Variants in NFIB observed in about 807,000 individuals in gnomAD.
The protein encoded by NFIB is nuclear factor 1 B-type.
In NFIB, 11 loss-of-function variants were observed where a neutral mutation model predicts 61.5. The observed-to-expected ratio is 0.18, with a 90% CI of 0.11 to 0.30. The LOEUF is 0.30. NFIB is among the 10% of genes least tolerant of loss of function. NFIB has a pLI of 1.00. For missense variants in NFIB, 471 were observed against 608.9 expected (o/e 0.77, Z 2.38); for synonymous variants, 260 against 216.5 (o/e 1.20, Z -1.76).
chr9:14,088,032 C>G lies in NFIB; in HGVS notation c.*277G>C, dbSNP rs2033129586. 1.8e-6 allele frequency: 1 copy of G among 545,748 alleles called. No homozygotes were observed. The highest frequency in any genetic ancestry group is 3.7e-5 in the East Asian group (1 of 27,376). 33.8% of individuals were successfully genotyped at this position (545,748 alleles called of 1,614,324 possible). On this transcript the variant is annotated 3_prime_UTR_variant, in exon 11 of 11. Transcript: ENST00000380953. Reference sequence around the variant, plus strand: ...CTTTTTATGTCATTACAGTTTCAACCTTAAGGGAATTAGTGATTGTAAGTG... The same window carrying G: ...CTTTTTATGTCATTACAGTTTCAACGTTAAGGGAATTAGTGATTGTAAGTG...
intron 3 of NFIB, among the ~76,000 whole-genome samples, chr9:14,177,221 A>G (rs1480498821): frequency 6.6e-6 from 1 of 152,220 alleles, no homozygotes; most frequent in African/African-American, 2.4e-5. Context: ...CAAGGCAAGA[A>G]TACAGAGATA....
chr9:14,245,844 G>A (rs1033893819), intron 2 of NFIB, among the ~76,000 whole-genome samples: 1 of 152,078 alleles, frequency 6.6e-6, no homozygotes, highest in East Asian at 1.9e-4. Context: ...CTGCACCCCA[G>A]CCTGGGTGAC....
chr9:14,204,543 C>T, intron 2 of NFIB: 4 of 1,359,232 alleles, frequency 2.9e-6, no homozygotes, highest in South Asian at 2.4e-5. Flanking sequence ...CTTAAGCTGC[C>T]CCACAAGTAC....
chr9:14,137,178 G>A (rs1342945062), intron 6 of NFIB, among the ~76,000 whole-genome samples: 1 of 152,152 alleles, frequency 6.6e-6, no homozygotes, highest in African/African-American at 2.4e-5. Context: ...TTGCTGTCTG[G>A]CTGAGTCATT....
At chr9:14,308,139 T>TTTCTTATCAAACGTCCAACA (rs1234944053) in intron 1 of NFIB, 9 of 152,206 alleles carry the variant, frequency 5.9e-5, no homozygotes, top group African/African-American at 2.2e-4. Flanking sequence ...CTTGATCCAT[T>TTTCTTATCAAACGTCCAACA]TTCTTATCAA....
intron 1 of NFIB, among the ~76,000 whole-genome samples, chr9:14,350,248 C>G (rs1050325387): frequency 6.6e-6 from 1 of 152,166 alleles, no homozygotes; most frequent in East Asian, 1.9e-4. Context: ...CACGGAAAAG[C>G]AAAGCACAGA....
At chr9:14,343,191 CCT>C (rs745618903) in intron 1 of NFIB, among the ~76,000 whole-genome samples, 18 of 152,258 alleles carry the variant, frequency 1.2e-4, no homozygotes, top group African/African-American at 1.4e-4. Flanking sequence ...TGAAATTTCC[CCT>C]GTTACTGTAA....
At chr9:14,523,739 C>T in the NFIB span, among the ~76,000 whole-genome samples, 1 of 152,062 alleles carries the variant, frequency 6.6e-6, no homozygotes, top group Non-Finnish European at 1.5e-5. Context: ...TCAGTCAGTC[C>T]GATAAAAGAA....
intron 2 of NFIB, among the ~76,000 whole-genome samples, chr9:14,285,047 C>G (rs2058621684): frequency 6.6e-6 from 1 of 152,204 alleles, no homozygotes; most frequent in Non-Finnish European, 1.5e-5. Context: ...GCTTGGAAAT[C>G]ACTAAGATTT....
the NFIB span, among the ~76,000 whole-genome samples, chr9:14,406,215 T>G: frequency 1.3e-5 from 2 of 152,164 alleles, no homozygotes; most frequent in South Asian, 4.1e-4. Context: ...CCAGAAACTT[T>G]CCTCACTCCC....
At chr9:14,224,808 G>T (rs989608571) in intron 2 of NFIB, among the ~76,000 whole-genome samples, 4 of 152,182 alleles carry the variant, frequency 2.6e-5, no homozygotes, top group Non-Finnish European at 5.9e-5. Flanking sequence ...ATTTTCCATT[G>T]TCGTATTTTC....
chr9:14,523,073 T>C, the NFIB span, among the ~76,000 whole-genome samples: 3 of 152,146 alleles, frequency 2.0e-5, no homozygotes, highest in South Asian at 2.1e-4. Context: ...AGAAGGGTAG[T>C]GTCTGGCTGA....
chr9:14,512,389 A>C, the NFIB span, among the ~76,000 whole-genome samples: 1 of 95,626 alleles, frequency 1.0e-5, no homozygotes, highest in South Asian at 3.5e-4. Context: ...TGTTCTGCAG[A>C]CTTTCATTAC....
chr9:14,179,429 CT>C (rs2131433024), intron 3 of NFIB, among the ~76,000 whole-genome samples: 1 of 152,174 alleles, frequency 6.6e-6, no homozygotes, highest in Admixed American at 6.5e-5. Flanking sequence ...GGTTCATTGG[CT>C]TTTCAAACAG....
chr9:14,215,130 A>T (rs10121553), intron 2 of NFIB, among the ~76,000 whole-genome samples: 45,058 of 147,846 alleles, frequency 0.3, 13,245 homozygotes, highest in African/African-American at 0.78. Context: ...GTCAAGCTCA[A>T]CAATTGGGTG....
chr9:14,522,512 T>C, the NFIB span, among the ~76,000 whole-genome samples: 9 of 152,200 alleles, frequency 5.9e-5, no homozygotes, highest in Non-Finnish European at 5.9e-5. Flanking sequence ...TTGTTATTAT[T>C]GTATCACATA....
intron 1 of NFIB, among the ~76,000 whole-genome samples, chr9:14,388,852 A>G (rs565533755): frequency 6.6e-6 from 1 of 152,368 alleles, no homozygotes; most frequent in South Asian, 2.1e-4. Context: ...CTATTTGTGT[A>G]TATGACATGT....
At chr9:14,235,225 A>C (rs1386648942) in intron 2 of NFIB, among the ~76,000 whole-genome samples, 1 of 152,204 alleles carries the variant, frequency 6.6e-6, no homozygotes, top group Non-Finnish European at 1.5e-5. Flanking sequence ...CAGGCTTAAA[A>C]ATTTTTTGAT....
the NFIB span, among the ~76,000 whole-genome samples, chr9:14,485,895 C>CA: frequency 6.6e-6 from 1 of 150,882 alleles, no homozygotes; most frequent in Non-Finnish European, 1.5e-5. Context: ...CACAAAAAAA[C>CA]AAAAAACAAC....
Sources: gnomAD v4.1 joint callset for allele counts (sites outside exome capture counted in the v4.1 genomes callset) on GRCh38, gnomAD v4.1.1 for gene constraint, MANE v1.5 for transcripts, NCBI Gene and HGNC (gene_info 2026-07-23, HGNC 2026-07-21) for gene names.